Variants in PDPR observed in about 807,000 individuals in gnomAD.
The protein encoded by PDPR is pyruvate dehydrogenase phosphatase regulatory subunit.
Under a neutral mutation model 102.2 loss-of-function variants are expected in PDPR, and 50 were observed. That is an observed-to-expected ratio of 0.49 (90% confidence interval 0.39 to 0.62). The LOEUF (loss-of-function observed/expected upper bound fraction) is 0.62, where lower values mean the gene tolerates loss of function less well. PDPR is among the 20% of genes least tolerant of loss of function. The pLI is 0.00. For missense variants in PDPR, 625 were observed against 1,098.2 expected (o/e 0.57, Z 6.09); for synonymous variants, 259 against 406.0 (o/e 0.64, Z 4.35).
rs938716750 is a variant in PDPR at position 70,161,844 on chromosome 16, C to T, written c.*4965C>T. 2 of 152,412 alleles carry T rather than the reference C, an allele frequency of 1.3e-5. No individual in the cohort carries two copies. Among genetic ancestry groups the T allele is most frequent in the African/African-American group, 2.4e-5 (1 of 41,482 alleles). 9.4% of individuals were successfully genotyped at this position (152,412 alleles called of 1,614,324 possible). On this transcript the variant is annotated 3_prime_UTR_variant, in exon 19 of 19. Coordinates refer to ENST00000288050, the MANE Select transcript of PDPR (RefSeq NM_017990.5). ...GAGCCATTTTTCTCATTCTTAGATGCACCTGTTTTTATCCTTTGCAGACCA... is the reference window on the plus strand; with the variant it reads ...GAGCCATTTTTCTCATTCTTAGATGTACCTGTTTTTATCCTTTGCAGACCA...
chr16:70,152,394 C>A lies in PDPR; in HGVS notation c.2053-997C>A, dbSNP rs1000182830. On this transcript the variant is annotated intron_variant, in intron 17 of 18. Transcript: ENST00000288050. The stretch of plus-strand genomic sequence containing the variant: ...ATTAGCTGGGTGTGGCGGCAGCCAC[C>A]TATAGTACCAGCTACTCGGGAGGCT... Among the ~76,000 whole-genome samples, 6 of 152,380 alleles carry A rather than the reference C, an allele frequency of 3.9e-5. No individual in the cohort carries two copies. In the East Asian group the frequency reaches 1.2e-3, roughly 29 times the overall value.
rs1219682407 is a variant in PDPR, at chr16:70,135,082, G to A, written c.998-1112G>A. On this transcript the variant is annotated intron_variant, in intron 9 of 18. Coordinates refer to ENST00000288050, the MANE Select transcript of PDPR (RefSeq NM_017990.5). ...TATGTGTCTACTAAACAAACCTGGC[G>A]AGAGTAGTATGATGAGCCCCCATGT... 3.3e-5 allele frequency among the ~76,000 whole-genome samples: 5 copies of A among 152,332 alleles called. No individual in the cohort carries two copies. The South Asian group carries it at 1.0e-3, about 32-fold the overall frequency.
In PDPR at chr16:70,153,448, A is replaced by G; in HGVS notation, c.2110A>G (p.Asn704Asp). ...TGTTGGCCAGAAATACGGAATCCGGAATGCTGGGTATTACGCTCTTCGCAG... is the reference window on the plus strand; with the variant it reads ...TGTTGGCCAGAAATACGGAATCCGGGATGCTGGGTATTACGCTCTTCGCAG... The part of the protein sequence containing the change: ...MSVGQKYGIR[N>D]AGYYALRSLR... The change falls in exon 18 of 19, where the codon AAT becomes GAT. Residue 704 changes from asparagine (N) to aspartate (D), a missense_variant. Physicochemically the swap from Asn to Asp is conservative, Grantham distance 23 (BLOSUM62 1). This residue lies in a region of PDPR where 303 missense variants were observed against 258.9 expected (regional missense o/e 1.17). Transcript: ENST00000288050. 1 of 1,613,930 alleles carries G rather than the reference A, an allele frequency of 6.2e-7. No homozygotes were observed. Among genetic ancestry groups the G allele is most frequent in the Non-Finnish European group, 8.5e-7 (1 of 1,179,850 alleles).
intron 3 of PDPR, among the ~76,000 whole-genome samples, chr16:70,126,312 A>C (rs1324251492): frequency 3.9e-5 from 6 of 152,366 alleles, no homozygotes; most frequent in African/African-American, 1.2e-4. Context: ...TTTGGGATCA[A>C]GGGATCTTCT....
At chr16:70,134,869 C>T (rs1312992031) in intron 9 of PDPR, among the ~76,000 whole-genome samples, 3 of 152,168 alleles carry the variant, frequency 2.0e-5, no homozygotes, top group African/African-American at 7.2e-5. Context: ...AAGAATTTCC[C>T]TCTGACCCTT....
chr16:70,115,770 A>G (rs570362720), intron 2 of PDPR, among the ~76,000 whole-genome samples: 26 of 152,212 alleles, frequency 1.7e-4, no homozygotes, highest in African/African-American at 5.5e-4. Flanking sequence ...TCTTCTTAGC[A>G]GAGAATATTA....
intron 8 of PDPR, chr16:70,131,734 A>C (rs1474710637): frequency 1.0e-6 from 1 of 985,300 alleles, no homozygotes; most frequent in Non-Finnish European, 1.2e-6. Flanking sequence ...TAGAAATGTC[A>C]TAGGTAAACA....
intron 16 of PDPR, among the ~76,000 whole-genome samples, chr16:70,148,020 G>T (rs1966377716): frequency 6.6e-6 from 1 of 152,242 alleles, no homozygotes; most frequent in African/African-American, 2.4e-5. Flanking sequence ...GCCCATCTTT[G>T]ACCCCAGGAT....
intron 14 of PDPR, among the ~76,000 whole-genome samples, chr16:70,144,094 A>G (rs1481534864): frequency 5.9e-5 from 9 of 151,934 alleles, no homozygotes; most frequent in Non-Finnish European, 5.9e-5. Context: ...GTTTTGCCAC[A>G]TTGCCCAGGC....
upstream of PDPR, chr16:70,113,747 G>C (rs1962357413): frequency 6.9e-6 from 1 of 144,072 alleles, no homozygotes; most frequent in African/African-American, 2.5e-5. Flanking sequence ...GAGAAGCTGA[G>C]AAGAGTAAGA....
chr16:70,157,007 T>G lies in PDPR; in HGVS notation c.*128T>G. 2 of 1,374,020 alleles carry G rather than the reference T, an allele frequency of 1.5e-6. No individual in the cohort carries two copies. The highest frequency in any genetic ancestry group is 2.0e-6 in the Non-Finnish European group (2 of 992,176). 85.1% of individuals were successfully genotyped at this position (1,374,020 alleles called of 1,614,324 possible). On this transcript the variant is annotated 3_prime_UTR_variant, in exon 19 of 19. Coordinates refer to ENST00000288050, the MANE Select transcript of PDPR (RefSeq NM_017990.5). ...TGCCTCCCATCTCTTATCTCCTTGA[T>G]ATAATTTTGAACTTGACCTACTTTA...
intron 18 of PDPR, 92 bp from the exon 19 acceptor site, chr16:70,156,383 C>T (rs1348473109): frequency 2.7e-6 from 4 of 1,462,378 alleles, no homozygotes; most frequent in Non-Finnish European, 3.7e-6. Context: ...TGCCCCATTG[C>T]AGTGACACCA....
At chr16:70,129,708 G>A (rs1220370930) in intron 6 of PDPR, among the ~76,000 whole-genome samples, 1 of 152,278 alleles carries the variant, frequency 6.6e-6, no homozygotes, top group African/African-American at 2.4e-5. Flanking sequence ...GAAGCTCAAG[G>A]TGAAAACACA....
In PDPR at chr16:70,130,511, T is replaced by C. The variant is rs754110568; in HGVS notation, c.696T>C (p.Ile232=). ...VTGVETDKGQ[I]ECQYFVNCAG... is the part of the protein sequence containing the mutation. ...GAGTGGAGACCGATAAAGGACAGAT[T>C]GAATGCCAGTATTTTGTCAACTGTG... Residue 232 remains isoleucine (I), a synonymous_variant, in exon 7 of 19, where the codon ATT becomes ATC. Coordinates refer to ENST00000288050, the MANE Select transcript of PDPR (RefSeq NM_017990.5). 1.9e-6 allele frequency: 3 copies of C among 1,613,878 alleles called. No homozygotes were observed. The African/African-American group carries it at 4.0e-5, about 22-fold the overall frequency.
Position 70,130,515 on chromosome 16 carries a change from T to G in PDPR, c.700T>G (p.Cys234Gly), listed in dbSNP as rs779282741. The G allele has an allele frequency of 3.1e-6, 5 of 1,613,884 alleles. No individual in the cohort carries two copies. Among genetic ancestry groups the G allele is most frequent in the Non-Finnish European group, 3.4e-6 (4 of 1,179,848 alleles). Reference protein sequence around the residue: ...GVETDKGQIECQYFVNCAGQW... With the variant: ...GVETDKGQIEGQYFVNCAGQW... ...GGAGACCGATAAAGGACAGATTGAA[T>G]GCCAGTATTTTGTCAACTGTGCTGG... The change falls in exon 7 of 19, where the codon TGC becomes GGC. Residue 234 changes from cysteine (C) to glycine (G), a missense_variant. Coordinates refer to ENST00000288050, the MANE Select transcript of PDPR (RefSeq NM_017990.5).
chr16:70,121,711 A>C (rs1239543684), intron 3 of PDPR, among the ~76,000 whole-genome samples: 4 of 151,292 alleles, frequency 2.6e-5, no homozygotes, highest in Non-Finnish European at 5.9e-5. Flanking sequence ...AAAAGAATAC[A>C]GGCCTTTGAC....
chr16:70,143,359 G>A (rs1965925081), intron 13 of PDPR, 151 bp from the exon 14 acceptor site: 3 of 926,440 alleles, frequency 3.2e-6, no homozygotes, highest in Admixed American at 3.0e-5. Flanking sequence ...GCGTTCCCTG[G>A]AGCTTCTTGC....
At position 70,161,281 on chromosome 16, in the gene PDPR, C is replaced by CAAAAAAAAAAAAAAAAAAAAAAAAAAA. The variant is rs56353884; in HGVS notation, c.*4421_*4422insAAAAAAAAAAAAAAAAAAAAAAAAAAA. 1 of 130,782 alleles carries CAAAAAAAAAAAAAAAAAAAAAAAAAAA rather than the reference C, an allele frequency of 7.6e-6. No individual in the cohort carries two copies. 8.1% of individuals were successfully genotyped at this position (130,782 alleles called of 1,614,324 possible). A position where few individuals can be genotyped will look rare whatever the true frequency, so the allele number is the denominator to read the frequency against. ...GGGTAACAGAGTGAGACTCTTGTCT[C>CAAAAAAAAAAAAAAAAAAAAAAAAAAA]AAAAAAAAAAAAAAAAAAATCTAAG... On this transcript the variant is annotated 3_prime_UTR_variant, in exon 19 of 19. Coordinates refer to ENST00000288050, the MANE Select transcript of PDPR (RefSeq NM_017990.5).
chr16:70,122,855 A>ACACACACACACACACC (rs1963479624), intron 3 of PDPR, among the ~76,000 whole-genome samples: 1 of 24,344 alleles, frequency 4.1e-5, no homozygotes, highest in Non-Finnish European at 1.1e-4. Flanking sequence ...ATACACACAT[A>ACACACACACACACACC]CACACACACA....
Sources: gnomAD v4.1 joint callset for allele counts (sites outside exome capture counted in the v4.1 genomes callset) on GRCh38, gnomAD v4.1.1 for gene constraint, gnomAD v4.1.1 regional missense constraint, MANE v1.5 for transcripts, NCBI Gene and HGNC (gene_info 2026-07-23, HGNC 2026-07-21) for gene names.